The following CCDC178 variants were observed in gnomAD, a reference collection of about 807,000 sequenced individuals.
CCDC178 encodes the protein coiled-coil domain-containing protein 178.
Under a neutral mutation model 117.4 loss-of-function variants are expected in CCDC178, and 126 were observed. The observed-to-expected ratio is 1.07, with a 90% CI of 0.93 to 1.24. CCDC178 has a LOEUF of 1.24. CCDC178 is among the 50% of genes most tolerant of loss of function. CCDC178 has a pLI of 0.00. For synonymous variants in CCDC178, 283 were observed against 313.4 expected (o/e 0.90, Z 1.02); for missense variants, 1,030 against 986.9 (o/e 1.04, Z -0.59).
At chr18:33,306,522 T>TTATA (rs1474043476) in intron 11 of CCDC178, among the ~76,000 whole-genome samples, 12 of 146,520 alleles carry the variant, frequency 8.2e-5, no homozygotes, top group Non-Finnish European at 1.3e-4. Flanking sequence ...TAATATATGG[T>TTATA]TATATATGGT....
At position 33,379,116 on chromosome 18, in the gene CCDC178, TATATATATAATATATATATTTCC is replaced by T. The variant is rs1568187637; in HGVS notation, c.209-8950_209-8928del. Among the ~76,000 whole-genome samples, 12 of 5,300 alleles carry T rather than the reference TATATATATAATATATATATTTCC, an allele frequency of 2.3e-3. No homozygotes were observed. In the East Asian group the frequency reaches 0.056, roughly 25 times the overall value. The allele number at this position is 5,300 out of a possible 152,430, so 3.5% of individuals were successfully genotyped here. ...TTTGCCGTATATATATATATTTCCA[TATATATATAATATATATATTTCC>T]ATATATATATAATATATATATTTCC... On this transcript the variant is annotated intron_variant, in intron 5 of 22. Transcript: ENST00000383096.
intron 20 of CCDC178, among the ~76,000 whole-genome samples, chr18:33,192,417 T>C (rs2058869687): frequency 6.6e-6 from 1 of 152,192 alleles, no homozygotes. Flanking sequence ...TTACACTTAA[T>C]AGAGACATGG....
At chr18:33,074,432 A>G (rs1459481592) in intron 21 of CCDC178, among the ~76,000 whole-genome samples, 2 of 152,182 alleles carry the variant, frequency 1.3e-5, no homozygotes, top group Non-Finnish European at 2.9e-5. Flanking sequence ...ATTGCACAGT[A>G]TCAATTTCTG....
chr18:33,292,054 A>G (rs541631406), intron 12 of CCDC178, among the ~76,000 whole-genome samples: 4 of 151,866 alleles, frequency 2.6e-5, no homozygotes, highest in South Asian at 2.1e-4. Flanking sequence ...AAAGAATTAC[A>G]TATGATCCAA....
rs1393773242 is a variant in CCDC178, at chr18:33,179,131, C to CTA, written c.2238+32763_2238+32764dup. 2.5e-3 allele frequency among the ~76,000 whole-genome samples: 139 copies of CTA among 54,680 alleles called. 9 individuals carry two copies. The highest frequency in any genetic ancestry group is 5.0e-3 in the East Asian group (12 of 2,424). The allele number at this position is 54,680 out of a possible 152,430, so 35.9% of individuals were successfully genotyped here. A position where few individuals can be genotyped will look rare whatever the true frequency, so the allele number is the denominator to read the frequency against. On this transcript the variant is annotated intron_variant, in intron 20 of 22. Coordinates refer to ENST00000383096, the MANE Select transcript of CCDC178 (RefSeq NM_001105528.4). Reference sequence around the variant, plus strand: ...TATAAACTATATATATATATATAAACTATATATATATAAACTATATATATA... The same window carrying CTA: ...TATAAACTATATATATATATATAAACTATATATATATATAAACTATATATATA...
intron 21 of CCDC178, among the ~76,000 whole-genome samples, chr18:33,028,968 G>T (rs2056282283): frequency 6.6e-6 from 1 of 151,724 alleles, no homozygotes; most frequent in African/African-American, 2.4e-5. Flanking sequence ...CAAGTTATTG[G>T]TCTGTAGTTT....
intron 21 of CCDC178, among the ~76,000 whole-genome samples, chr18:33,052,667 C>T (rs922832036): frequency 2.0e-4 from 31 of 152,254 alleles, no homozygotes; most frequent in African/African-American, 5.5e-4. Flanking sequence ...AAATGAATAG[C>T]TCCTATAAAA....
intron 20 of CCDC178, among the ~76,000 whole-genome samples, chr18:33,166,688 T>C (rs941265660): frequency 2.0e-5 from 3 of 152,216 alleles, no homozygotes; most frequent in African/African-American, 7.2e-5. Flanking sequence ...TTTATTTTCA[T>C]GACTATGGAA....
chr18:33,166,504 G>A (rs565758537), intron 20 of CCDC178, among the ~76,000 whole-genome samples: 6 of 151,974 alleles, frequency 3.9e-5, no homozygotes, highest in South Asian at 2.1e-4. Flanking sequence ...CCTTAAACTC[G>A]TTTTTCAGGG....
rs142794745 is a variant in CCDC178 at position 33,247,306 on chromosome 18, A to C, written c.1410-1878T>G. Among the ~76,000 whole-genome samples the C allele has an allele frequency of 5.1e-4, 78 of 152,078 alleles. No individual in the cohort carries two copies. The East Asian group carries it at 5.2e-3, about 10-fold the overall frequency. On this transcript the variant is annotated intron_variant, in intron 14 of 22. Coordinates refer to ENST00000383096, the MANE Select transcript of CCDC178 (RefSeq NM_001105528.4). Reference sequence around the variant, plus strand: ...CAAAGAACTTAAAATAAGTATATTTAAAATGCTCAAAGATCTAAGTAAAGA... The same window carrying C: ...CAAAGAACTTAAAATAAGTATATTTCAAATGCTCAAAGATCTAAGTAAAGA...
At chr18:32,945,156 A>G (rs919545108) in intron 22 of CCDC178, among the ~76,000 whole-genome samples, 17 of 152,322 alleles carry the variant, frequency 1.1e-4, no homozygotes, top group African/African-American at 4.1e-4. Context: ...ATTGTAGGCT[A>G]TATGTCCTGA....
chr18:33,156,641 C>CAAAAAAAAAAAAAA (rs35712594), intron 20 of CCDC178, among the ~76,000 whole-genome samples: 3 of 99,252 alleles, frequency 3.0e-5, no homozygotes, highest in Non-Finnish European at 5.7e-5. Context: ...TCCTCCCTCT[C>CAAAAAAAAAAAAAA]AAAAAAAAAA....
intron 6 of CCDC178, among the ~76,000 whole-genome samples, chr18:33,362,644 T>C (rs1324726152): frequency 2.6e-5 from 4 of 151,982 alleles, no homozygotes; most frequent in Non-Finnish European, 5.9e-5. Context: ...ATTGTACTAC[T>C]ATACCATCTA....
At chr18:33,055,069 T>C (rs1008749018) in intron 21 of CCDC178, among the ~76,000 whole-genome samples, 1 of 152,262 alleles carries the variant, frequency 6.6e-6, no homozygotes, top group Non-Finnish European at 1.5e-5. Context: ...GCTGCATGTA[T>C]GTCTTCTTTT....
chr18:33,265,915 A>C (rs546202989), intron 14 of CCDC178, among the ~76,000 whole-genome samples: 1 of 152,072 alleles, frequency 6.6e-6, no homozygotes, highest in East Asian at 1.9e-4. Context: ...GAATAAACTG[A>C]AAATACATTT....
intron 11 of CCDC178, among the ~76,000 whole-genome samples, chr18:33,311,155 T>C (rs984449750): frequency 4.6e-5 from 7 of 152,024 alleles, no homozygotes; most frequent in African/African-American, 1.7e-4. Flanking sequence ...TTCTCCTCAC[T>C]GGAGCAGGAA....
chr18:33,117,093 A>G (rs977991942), intron 20 of CCDC178, among the ~76,000 whole-genome samples: 1 of 152,084 alleles, frequency 6.6e-6, no homozygotes, highest in African/African-American at 2.4e-5. Context: ...TGGTTAGAAA[A>G]TTGATGAAAA....
intron 4 of CCDC178, among the ~76,000 whole-genome samples, chr18:33,391,988 C>G (rs1478175495): frequency 6.6e-6 from 1 of 151,886 alleles, no homozygotes; most frequent in East Asian, 1.9e-4. Flanking sequence ...CTCAGCCTCC[C>G]AAGTAGCTGG....
chr18:33,353,234 T>A (rs553482446), intron 7 of CCDC178, among the ~76,000 whole-genome samples: 6 of 152,234 alleles, frequency 3.9e-5, no homozygotes, highest in Middle Eastern at 3.4e-3. Flanking sequence ...AGCTCTCTTT[T>A]ACTTACTATT....
Sources: allele counts gnomAD v4.1 joint callset (sites outside exome capture counted in the v4.1 genomes callset), GRCh38; gene constraint gnomAD v4.1.1; transcripts MANE v1.5; gene names NCBI Gene and HGNC (gene_info 2026-07-23, HGNC 2026-07-21).